YAF2: variants seen among roughly 807,000 people sequenced by gnomAD.
YAF2 encodes YY1 associated factor 2, also known as YY1-associated factor 2.
In YAF2, 7 loss-of-function variants were observed where a neutral mutation model predicts 20.1. The ratio of observed to expected loss-of-function variants is 0.35; its 90% CI spans 0.20 to 0.65. YAF2 has a LOEUF of 0.65. Ranked by LOEUF, YAF2 falls within the 30% of genes least tolerant of loss-of-function variation. The pLI, the probability that YAF2 is intolerant of heterozygous loss-of-function variation, is 0.69. For missense variants in YAF2, 151 were observed against 219.2 expected (o/e 0.69, Z 1.96); for synonymous variants, 74 against 76.0 (o/e 0.97, Z 0.14).
intron 2 of YAF2, among the ~76,000 whole-genome samples, chr12:42,177,133 C>CA (rs2066216128): frequency 6.6e-6 from 1 of 152,174 alleles, no homozygotes. Context: ...CACTGGCAAC[C>CA]AGAGTATATG....
chr12:42,225,710 G>C (rs1417082408), intron 2 of YAF2, among the ~76,000 whole-genome samples: 1 of 152,140 alleles, frequency 6.6e-6, no homozygotes, highest in Non-Finnish European at 1.5e-5. Context: ...TTATTTCTGA[G>C]GACTCTGTTC....
At chr12:42,237,814 C>G in intron 1 of YAF2, 90 bp from the exon 2 acceptor site, 2 of 1,028,582 alleles carry the variant, frequency 1.9e-6, no homozygotes, top group Non-Finnish European at 2.3e-6. Flanking sequence ...CCGCCCCGCC[C>G]CCCGCCCCAA....
intron 2 of YAF2, among the ~76,000 whole-genome samples, chr12:42,207,818 G>A (rs1937663421): frequency 6.6e-6 from 1 of 152,152 alleles, no homozygotes; most frequent in Non-Finnish European, 1.5e-5. Context: ...GTGAACCCAG[G>A]AGGCAGAGCT....
chr12:42,178,597 G>T (rs2066258607), intron 2 of YAF2, among the ~76,000 whole-genome samples: 1 of 151,672 alleles, frequency 6.6e-6, no homozygotes, highest in Non-Finnish European at 1.5e-5. Flanking sequence ...ATCAAATACA[G>T]TTTGCTCCCA....
intron 2 of YAF2, among the ~76,000 whole-genome samples, chr12:42,226,569 TG>T (rs1412519829): frequency 1.3e-5 from 2 of 151,948 alleles, no homozygotes; most frequent in African/African-American, 2.4e-5. Context: ...GAGGCTAAGG[TG>T]GGGGGACCAC....
chr12:42,159,267 C>G lies in YAF2; in HGVS notation c.*1322G>C, dbSNP rs1054618206. ...TTATGTGATATTTTGCATCCACATT[C>G]TATTTTTAAGTTCATTTACAATTCA... is the stretch of plus-strand genomic sequence containing the variant. On this transcript the variant is annotated 3_prime_UTR_variant, in exon 4 of 4. Coordinates refer to ENST00000534854, the MANE Select transcript of YAF2 (RefSeq NM_005748.6). 6.6e-6 allele frequency: 1 copy of G among 152,008 alleles called. No homozygotes were observed. Among genetic ancestry groups the G allele is most frequent in the African/African-American group, 2.4e-5 (1 of 41,410 alleles). The allele number at this position is 152,008 out of a possible 1,614,324, so 9.4% of individuals were successfully genotyped here.
intron 2 of YAF2, chr12:42,235,094 A>G (rs1178579256): frequency 2.9e-5 from 29 of 985,914 alleles, no homozygotes; most frequent in Non-Finnish European, 3.5e-5. Flanking sequence ...AATGGCTTAG[A>G]CTTGGCCTAA....
intron 2 of YAF2, among the ~76,000 whole-genome samples, chr12:42,181,015 A>G (rs2066328707): frequency 6.6e-6 from 1 of 152,200 alleles, no homozygotes; most frequent in Non-Finnish European, 1.5e-5. Flanking sequence ...CCATAATGGG[A>G]GGATGGCTTC....
intron 2 of YAF2, among the ~76,000 whole-genome samples, chr12:42,176,334 T>A (rs2066192241): frequency 6.6e-6 from 1 of 152,028 alleles, no homozygotes; most frequent in Non-Finnish European, 1.5e-5. Context: ...CTGGCCAGAC[T>A]GGTCTCAAAC....
At chr12:42,173,755 T>G (rs2066110256) in intron 2 of YAF2, among the ~76,000 whole-genome samples, 1 of 152,216 alleles carries the variant, frequency 6.6e-6, no homozygotes, top group African/African-American at 2.4e-5. Flanking sequence ...CTATGTTCCA[T>G]TAAATATTCC....
At chr12:42,229,994 T>C (rs2067930089) in intron 2 of YAF2, among the ~76,000 whole-genome samples, 1 of 152,128 alleles carries the variant, frequency 6.6e-6, no homozygotes, top group Admixed American at 6.5e-5. Flanking sequence ...TATGGTGGCT[T>C]ACGCCTGCAA....
At chr12:42,227,824 C>T (rs1365841710) in intron 2 of YAF2, among the ~76,000 whole-genome samples, 5 of 143,830 alleles carry the variant, frequency 3.5e-5, no homozygotes, top group South Asian at 2.3e-4. Context: ...CCTGGCCAGC[C>T]GTGCCGTCCG....
At position 42,160,674 on chromosome 12, in the gene YAF2, G is replaced by C. The variant is rs1488193855; in HGVS notation, c.458C>G (p.Ser153Cys). 1 of 1,613,848 alleles carries C rather than the reference G, an allele frequency of 6.2e-7. No individual in the cohort carries two copies. Among genetic ancestry groups the C allele is most frequent in the Non-Finnish European group, 8.5e-7 (1 of 1,179,896 alleles). ...TCCTCTCTCTGTGTTATCAGAGCTAGAGCCGCTTTGACTGTGTTGATCTGC... is the reference window on the plus strand; with the variant it reads ...TCCTCTCTCTGTGTTATCAGAGCTACAGCCGCTTTGACTGTGTTGATCTGC... ...ASADQHSQSGSSSDNTERGMS... is the reference protein window; with the variant it reads ...ASADQHSQSGCSSDNTERGMS... The change falls in exon 4 of 4, where the codon TCT becomes TGT. Residue 153 changes from serine (S) to cysteine (C), a missense_variant. Physicochemically the swap from Ser to Cys is moderately radical, Grantham distance 112. Coordinates refer to ENST00000534854, the MANE Select transcript of YAF2 (RefSeq NM_005748.6).
At chr12:42,200,951 C>A (rs2066883119) in intron 2 of YAF2, among the ~76,000 whole-genome samples, 1 of 152,052 alleles carries the variant, frequency 6.6e-6, no homozygotes, top group South Asian at 2.1e-4. Context: ...AATGATAGTA[C>A]CTCTTTCTGA....
rs190014648 is a variant in YAF2, at chr12:42,233,596, C to G, written c.152+4003G>C. ...GTATGATCACAGCTCACTGCAACCT[C>G]GAACTCTGGGGCTCAAGGGATCCTC... On this transcript the variant is annotated intron_variant, in intron 2 of 3. Coordinates refer to ENST00000534854, the MANE Select transcript of YAF2 (RefSeq NM_005748.6). 9.1e-5 allele frequency: 64 copies of G among 700,708 alleles called. No individual in the cohort carries two copies. In the East Asian group the frequency reaches 6.4e-3, roughly 70 times the overall value. The allele number at this position is 700,708 out of a possible 1,614,324, so 43.4% of individuals were successfully genotyped here. A position where few individuals can be genotyped will look rare whatever the true frequency, so the allele number is the denominator to read the frequency against.
intron 2 of YAF2, among the ~76,000 whole-genome samples, chr12:42,215,932 AAAT>A (rs2067343655): frequency 1.6e-4 from 1 of 6,376 alleles, no homozygotes; most frequent in African/African-American, 3.1e-3. Flanking sequence ...CTCAAAAAAT[AAAT>A]AAATAAATAA....
intron 2 of YAF2, chr12:42,237,366 AT>A: frequency 1.7e-6 from 2 of 1,203,522 alleles, no homozygotes; most frequent in Non-Finnish European, 2.1e-6. Flanking sequence ...CCTCCCTTAA[AT>A]AATTTATTCT....
At chr12:42,205,653 G>A (rs928917983) in intron 2 of YAF2, among the ~76,000 whole-genome samples, 4 of 152,130 alleles carry the variant, frequency 2.6e-5, no homozygotes, top group African/African-American at 9.7e-5. Context: ...GATTACAGAC[G>A]TGAGCCACCG....
intron 2 of YAF2, among the ~76,000 whole-genome samples, chr12:42,224,257 A>G (rs147969179): frequency 7.9e-5 from 12 of 152,330 alleles, no homozygotes; most frequent in African/African-American, 2.4e-4. Flanking sequence ...AATTCATTGC[A>G]TATGTTTCCC....
Sources: allele counts gnomAD v4.1 joint callset (sites outside exome capture counted in the v4.1 genomes callset), GRCh38; gene constraint gnomAD v4.1.1; transcripts MANE v1.5; gene names NCBI Gene and HGNC (gene_info 2026-07-23, HGNC 2026-07-21).